Variants in DLC1 observed in about 807,000 individuals in gnomAD.
DLC1 encodes the protein DLC1 Rho GTPase activating protein, also known as rho GTPase-activating protein 7.
In DLC1, 54 loss-of-function variants were observed where a neutral mutation model predicts 140.3. The observed-to-expected ratio is 0.38, with a 90% CI of 0.31 to 0.48. The LOEUF (loss-of-function observed/expected upper bound fraction) is 0.48. DLC1 is among the 20% of genes least tolerant of loss of function. DLC1 has a pLI of 0.96. For missense variants in DLC1, 2,536 were observed against 1,907.0 expected, an observed-to-expected ratio of 1.33 and a Z score of -6.14; for synonymous variants, 986 against 728.1, an observed-to-expected ratio of 1.35 and a Z score of -5.70.
intron 5 of DLC1, among the ~76,000 whole-genome samples, chr8:13,251,219 T>C (rs1829990443): frequency 6.6e-6 from 1 of 152,194 alleles, no homozygotes; most frequent in African/African-American, 2.4e-5. Flanking sequence ...TAACCTCACT[T>C]ACCTCCTTAT....
At chr8:13,164,079 C>G (rs1030960540) in intron 5 of DLC1, among the ~76,000 whole-genome samples, 12 of 152,148 alleles carry the variant, frequency 7.9e-5, no homozygotes, top group African/African-American at 2.4e-4. Context: ...GGCGGATCAC[C>G]TGAGGTCAGG....
chr8:13,462,499 G>C (rs574783827), intron 2 of DLC1, among the ~76,000 whole-genome samples: 1 of 151,604 alleles, frequency 6.6e-6, no homozygotes, highest in South Asian at 2.1e-4. Context: ...CGCCTCCCAG[G>C]TTCACGCCAT....
At chr8:13,179,901 TAATC>T (rs1825946938) in intron 5 of DLC1, among the ~76,000 whole-genome samples, 1 of 152,126 alleles carries the variant, frequency 6.6e-6, no homozygotes, top group Non-Finnish European at 1.5e-5. Flanking sequence ...TGAGGGAAAT[TAATC>T]AAAATCATCT....
At chr8:13,401,991 G>A (rs969686738) in intron 2 of DLC1, among the ~76,000 whole-genome samples, 3 of 151,994 alleles carry the variant, frequency 2.0e-5, no homozygotes, top group South Asian at 2.1e-4. Flanking sequence ...ATAATTATTT[G>A]TGGCTAGACA....
chr8:13,120,356 A>AAAAAAAAT, intron 5 of DLC1, among the ~76,000 whole-genome samples: 2 of 61,124 alleles, frequency 3.3e-5, no homozygotes, highest in African/African-American at 8.3e-5. Context: ...AAAAAAAAAA[A>AAAAAAAAT]ATATATATAT....
intron 1 of DLC1, among the ~76,000 whole-genome samples, chr8:13,522,598 C>T (rs1740664438): frequency 6.6e-6 from 1 of 151,732 alleles, no homozygotes; most frequent in South Asian, 2.1e-4. Context: ...GTACTCCAGC[C>T]TGGGCGACAA....
intron 1 of DLC1, among the ~76,000 whole-genome samples, chr8:13,528,238 C>G (rs1225826752): frequency 6.6e-6 from 1 of 152,122 alleles, no homozygotes; most frequent in Non-Finnish European, 1.5e-5. Context: ...ATTACTTCTA[C>G]ACCCTGGTCT....
At chr8:13,149,911 C>G (rs1348175471) in intron 5 of DLC1, among the ~76,000 whole-genome samples, 1 of 152,194 alleles carries the variant, frequency 6.6e-6, no homozygotes, top group Non-Finnish European at 1.5e-5. Context: ...AAATCCAAAA[C>G]TGAGACTTCA....
At chr8:13,575,301 C>G (rs1319900840) in intron 1 of DLC1, among the ~76,000 whole-genome samples, 1 of 152,038 alleles carries the variant, frequency 6.6e-6, no homozygotes, top group African/African-American at 2.4e-5. Flanking sequence ...CACATATGCA[C>G]TGAGAGAGTA....
chr8:13,398,082 GA>G lies in DLC1; in HGVS notation c.1173+3387del, dbSNP rs572022572. ...GGAGGCAGAGGTTGCCGTGAGCCTA[GA>G]TTGCGCCACTGCACTCTAGCCTGGT... On this transcript the variant is annotated intron_variant, in intron 3 of 17. Transcript: ENST00000276297. Among the ~76,000 whole-genome samples the G allele has an allele frequency of 7.2e-5, 11 of 151,924 alleles. 1 individual carries two copies. The South Asian group carries it at 2.3e-3, about 32-fold the overall frequency.
rs774546531 is a variant in DLC1 at position 13,100,340 on chromosome 8, C to G, written c.1997G>C (p.Ser666Thr). The change falls in exon 9 of 18, where the codon AGT becomes ACT. Residue 666 changes from serine to threonine, a missense_variant. Transcript: ENST00000276297. The stretch of plus-strand genomic sequence containing the variant: ...CAGGCTCTCCATCCGTTTCAGCAGA[C>G]TGCGCGTCTTGGACTTGGCAGTTTT... The part of the protein sequence containing the change: ...HEKTAKSKTR[S>T]LLKRMESLKL... 2 of 1,614,242 alleles carry G rather than the reference C, an allele frequency of 1.2e-6. No individual in the cohort carries two copies. Among genetic ancestry groups the G allele is most frequent in the Non-Finnish European group, 8.5e-7 (1 of 1,180,056 alleles).
At chr8:13,579,936 G>T (rs1805023793) in intron 1 of DLC1, among the ~76,000 whole-genome samples, 1 of 151,792 alleles carries the variant, frequency 6.6e-6, no homozygotes, top group Non-Finnish European at 1.5e-5. Context: ...AACAACAATG[G>T]TGACAGGATA....
intron 2 of DLC1, among the ~76,000 whole-genome samples, chr8:13,496,216 A>G (rs1454923151): frequency 1.3e-5 from 2 of 152,238 alleles, no homozygotes; most frequent in Non-Finnish European, 2.9e-5. Context: ...GACATCAACT[A>G]GATTAGAACT....
chr8:13,406,297 T>C (rs1837559525), intron 2 of DLC1, among the ~76,000 whole-genome samples: 1 of 148,532 alleles, frequency 6.7e-6, no homozygotes, highest in East Asian at 2.0e-4. Context: ...GGATTACAAG[T>C]GTGAGCCACT....
intron 2 of DLC1, among the ~76,000 whole-genome samples, chr8:13,488,795 A>T (rs1325999907): frequency 1.3e-5 from 2 of 152,246 alleles, no homozygotes; most frequent in African/African-American, 4.8e-5. Flanking sequence ...TTTGTGTGTT[A>T]CATTGCCCCT....
chr8:13,320,796 C>T (rs1327432666), intron 4 of DLC1, among the ~76,000 whole-genome samples: 1 of 152,168 alleles, frequency 6.6e-6, no homozygotes, highest in Non-Finnish European at 1.5e-5. Context: ...AGGAGGATTG[C>T]TTGAGGCCAA....
At chr8:13,403,801 C>G (rs532164280) in intron 2 of DLC1, among the ~76,000 whole-genome samples, 5 of 120,338 alleles carry the variant, frequency 4.2e-5, no homozygotes, top group African/African-American at 1.3e-4. Context: ...ACCACCAGGT[C>G]TGGCTGTTTT....
intron 2 of DLC1, among the ~76,000 whole-genome samples, chr8:13,457,488 C>T (rs779167967): frequency 6.6e-6 from 1 of 151,806 alleles, no homozygotes; most frequent in Non-Finnish European, 1.5e-5. Flanking sequence ...ACCATCCTGG[C>T]CAACATGGTG....
chr8:13,120,356 A>AAAAAATATATATAT, intron 5 of DLC1, among the ~76,000 whole-genome samples: 11 of 61,130 alleles, frequency 1.8e-4, no homozygotes, highest in Admixed American at 1.3e-3. Context: ...AAAAAAAAAA[A>AAAAAATATATATAT]ATATATATAT....
Sources: allele counts gnomAD v4.1 joint callset (sites outside exome capture counted in the v4.1 genomes callset), GRCh38; gene constraint gnomAD v4.1.1; transcripts MANE v1.5; gene names NCBI Gene and HGNC (gene_info 2026-07-23, HGNC 2026-07-21).